ST18: variants seen among roughly 807,000 people sequenced by gnomAD.
ST18 encodes the protein suppression of tumorigenicity 18 protein.
A neutral mutation model predicts 110.0 loss-of-function variants in ST18; 50 were observed. The ratio of observed to expected loss-of-function variants is 0.45; its 90% CI spans 0.36 to 0.58. The LOEUF (loss-of-function observed/expected upper bound fraction) is 0.58, where lower values mean the gene tolerates loss of function less well. Among genes scored for constraint, ST18 ranks in the 20% least tolerant of loss-of-function variants. The pLI, the probability that ST18 is intolerant of heterozygous loss-of-function variation, is 0.00. For synonymous variants in ST18, 461 were observed against 452.4 expected (o/e 1.02, Z -0.24); for missense variants, 1,306 against 1,280.1 (o/e 1.02, Z -0.31).
At chr8:52,278,612 A>T (rs1297594061) in intron 2 of ST18, among the ~76,000 whole-genome samples, 1 of 152,210 alleles carries the variant, frequency 6.6e-6, no homozygotes, top group Admixed American at 6.5e-5. Context: ...AGAAATGCTC[A>T]TTATGAAAAG....
At position 52,165,372 on chromosome 8, in the gene ST18, A is replaced by G. The variant is rs1056602104; in HGVS notation, c.1205-147T>C. 4.1e-6 allele frequency: 3 copies of G among 726,788 alleles called. No homozygotes were observed. The Admixed American group carries it at 7.6e-5, about 19-fold the overall frequency. 45.0% of individuals were successfully genotyped at this position (726,788 alleles called of 1,614,324 possible). On this transcript the variant is annotated intron_variant, in intron 11 of 25. Coordinates refer to ENST00000689386, the MANE Select transcript of ST18 (RefSeq NM_001352837.2). ...CTCTCTATTCAGACACAAACAAGTG[A>G]GCATGGAAGAACTTCAGAAATTAAA...
At chr8:52,153,432 G>T (rs1444907489) in intron 15 of ST18, among the ~76,000 whole-genome samples, 3 of 152,120 alleles carry the variant, frequency 2.0e-5, no homozygotes, top group African/African-American at 4.8e-5. Context: ...TTTGTTTTGG[G>T]AGTATCTTTT....
In ST18 at chr8:52,227,443, G is replaced by A. The variant is rs533218593; in HGVS notation, c.-419+2589C>T. On this transcript the variant is annotated intron_variant, in intron 3 of 25. Coordinates refer to ENST00000689386, the MANE Select transcript of ST18 (RefSeq NM_001352837.2). ...CAGACTGGAGAAGCTTCCAGAAGAC[G>A]ATGATTCCTGAAAAATTCATCCCTA... Among the ~76,000 whole-genome samples the A allele has an allele frequency of 2.7e-4, 41 of 152,250 alleles. No homozygotes were observed. In the East Asian group the frequency reaches 7.7e-3, roughly 29 times the overall value.
chr8:52,336,135 T>C (rs1033579649), intron 2 of ST18, among the ~76,000 whole-genome samples: 1 of 152,104 alleles, frequency 6.6e-6, no homozygotes, highest in Non-Finnish European at 1.5e-5. Context: ...CCACTGCTTC[T>C]TGGATTATTA....
intron 2 of ST18, among the ~76,000 whole-genome samples, chr8:52,249,798 T>C (rs1163763656): frequency 6.6e-6 from 1 of 152,106 alleles, no homozygotes; most frequent in Non-Finnish European, 1.5e-5. Flanking sequence ...GGAGATGAAT[T>C]GTCTGGTTTG....
At chr8:52,276,889 C>G (rs553018881) in intron 2 of ST18, among the ~76,000 whole-genome samples, 1 of 151,952 alleles carries the variant, frequency 6.6e-6, no homozygotes, top group African/African-American at 2.4e-5. Flanking sequence ...GCCTCACCAT[C>G]CTGAGTAGCT....
chr8:52,249,176 C>G (rs920179178), intron 2 of ST18, among the ~76,000 whole-genome samples: 1 of 152,104 alleles, frequency 6.6e-6, no homozygotes, highest in Non-Finnish European at 1.5e-5. Context: ...TTTTTTGAAA[C>G]AGCAAAACAA....
At chr8:52,130,961 T>A (rs943467108) in intron 22 of ST18, among the ~76,000 whole-genome samples, 4 of 152,234 alleles carry the variant, frequency 2.6e-5, no homozygotes, top group Non-Finnish European at 1.5e-5. Context: ...AAATTCAGAA[T>A]AAAATAATGT....
chr8:52,393,814 C>A (rs781458202), intron 2 of ST18: 5 of 143,254 alleles, frequency 3.5e-5, no homozygotes, highest in Admixed American at 7.6e-5. Context: ...ACCCAGGAGG[C>A]AGAGGTTGCA....
At chr8:52,239,861 A>C (rs1203509877) in intron 2 of ST18, among the ~76,000 whole-genome samples, 1 of 152,000 alleles carries the variant, frequency 6.6e-6, no homozygotes, top group African/African-American at 2.4e-5. Context: ...AGGCATGATC[A>C]TGGCTCACTG....
chr8:52,357,725 ATATAT>A (rs1564568947), intron 2 of ST18, among the ~76,000 whole-genome samples: 25 of 109,702 alleles, frequency 2.3e-4, no homozygotes, highest in East Asian at 2.9e-4. Context: ...ATATATATAT[ATATAT>A]AAAACAGACT....
At chr8:52,129,490 A>C (rs547312363) in intron 22 of ST18, among the ~76,000 whole-genome samples, 1 of 151,026 alleles carries the variant, frequency 6.6e-6, no homozygotes, top group East Asian at 1.9e-4. Context: ...AATTCCACAC[A>C]CAGAAAGGAG....
At chr8:52,168,873 A>G (rs923244451) in intron 10 of ST18, among the ~76,000 whole-genome samples, 4 of 152,188 alleles carry the variant, frequency 2.6e-5, no homozygotes, top group Non-Finnish European at 5.9e-5. Context: ...GATTAGGGGA[A>G]CTGAGGGGAG....
intron 2 of ST18, chr8:52,393,437 C>T (rs1438864221): frequency 6.6e-6 from 1 of 152,164 alleles, no homozygotes; most frequent in Admixed American, 6.5e-5. Context: ...CATCCTCAAA[C>T]TCCATTGACC....
Position 52,159,050 on chromosome 8 carries a change from T to A in ST18, c.1654A>T (p.Thr552Ser). ...GAGCTGGCACGGCCAGGGCTCTGGGTGTGGGCGCCTGCACTAGGCAGTCGA... is the reference window on the plus strand; with the variant it reads ...GAGCTGGCACGGCCAGGGCTCTGGGAGTGGGCGCCTGCACTAGGCAGTCGA... ...PNRLPSAGAH[T>S]QSPGRASSYS... Residue 552 changes from threonine to serine, a missense_variant, in exon 15 of 26, where the codon ACC (threonine) becomes TCC (serine). By Grantham distance (58) the Thr-to-Ser change is moderately conservative. Transcript: ENST00000689386. 1 of 1,614,106 alleles carries A rather than the reference T, an allele frequency of 6.2e-7. No individual in the cohort carries two copies. Among genetic ancestry groups the A allele is most frequent in the Non-Finnish European group, 8.5e-7 (1 of 1,180,024 alleles).
At chr8:52,155,501 G>A (rs115153801) in intron 15 of ST18, among the ~76,000 whole-genome samples, 1,743 of 152,290 alleles carry the variant, frequency 0.011, 45 homozygotes, top group African/African-American at 0.04. Context: ...TCAGGCTGGG[G>A]TGTGATGGGA....
intron 8 of ST18, among the ~76,000 whole-genome samples, chr8:52,204,311 G>A (rs973141719): frequency 3.3e-5 from 5 of 152,246 alleles, no homozygotes; most frequent in Non-Finnish European, 7.3e-5. Flanking sequence ...GCAATGGTGA[G>A]AAGAGTTTTT....
At chr8:52,378,277 T>A (rs1384344246) in intron 2 of ST18, among the ~76,000 whole-genome samples, 1 of 152,202 alleles carries the variant, frequency 6.6e-6, no homozygotes, top group Non-Finnish European at 1.5e-5. Context: ...AAAGAAATGA[T>A]ACATGTTTAA....
Position 52,251,167 on chromosome 8 carries a change from T to C in ST18, c.-464-21090A>G, listed in dbSNP as rs182526758. Among the ~76,000 whole-genome samples, 27 of 152,186 alleles carry C rather than the reference T, an allele frequency of 1.8e-4. No individual in the cohort carries two copies. The East Asian group carries it at 5.0e-3, about 28-fold the overall frequency. ...AGATTGGAGCAACTAGTTTGAAGTG[T>C]GGAAAGAGGAGAAAATAAAATAAGT... is the stretch of plus-strand genomic sequence containing the variant. On this transcript the variant is annotated intron_variant, in intron 2 of 25. Coordinates refer to ENST00000689386, the MANE Select transcript of ST18 (RefSeq NM_001352837.2).
Sources: gnomAD v4.1 joint callset for allele counts (sites outside exome capture counted in the v4.1 genomes callset) on GRCh38, gnomAD v4.1.1 for gene constraint, MANE v1.5 for transcripts, NCBI Gene and HGNC (gene_info 2026-07-23, HGNC 2026-07-21) for gene names.